Variants in ALCAM observed in about 807,000 individuals in gnomAD.
ALCAM encodes the protein CD166 antigen.
Under a neutral mutation model 70.9 loss-of-function variants are expected in ALCAM, and 30 were observed. The ratio of observed to expected loss-of-function variants is 0.42; its 90% CI spans 0.32 to 0.57. The LOEUF (loss-of-function observed/expected upper bound fraction) is 0.57, where lower values mean the gene tolerates loss of function less well. Among genes scored for constraint, ALCAM ranks in the 20% least tolerant of loss-of-function variants. ALCAM has a pLI of 0.11. For synonymous variants in ALCAM, 249 were observed against 242.5 expected, an observed-to-expected ratio of 1.03 and a Z score of -0.25; for missense variants, 591 against 695.1, an observed-to-expected ratio of 0.85 and a Z score of 1.68.
chr3:105,549,319 C>G (rs1940335651), intron 11 of ALCAM, among the ~76,000 whole-genome samples: 1 of 151,332 alleles, frequency 6.6e-6, no homozygotes, highest in Non-Finnish European at 1.5e-5. Context: ...TCCTCCACCC[C>G]AGCAACTAGA....
intron 1 of ALCAM, among the ~76,000 whole-genome samples, chr3:105,512,773 T>C (rs775636038): frequency 5.9e-5 from 9 of 151,870 alleles, no homozygotes; most frequent in African/African-American, 1.2e-4. Flanking sequence ...GTTATTTTTA[T>C]TGTATTGACT....
At chr3:105,452,579 G>T (rs1180066201) in intron 1 of ALCAM, among the ~76,000 whole-genome samples, 1 of 152,190 alleles carries the variant, frequency 6.6e-6, no homozygotes, top group East Asian at 1.9e-4. Flanking sequence ...TATTCCTTTG[G>T]GTATATACCC....
At chr3:105,368,643 G>A (rs1210198621) in intron 1 of ALCAM, among the ~76,000 whole-genome samples, 1 of 152,120 alleles carries the variant, frequency 6.6e-6, no homozygotes, top group African/African-American at 2.4e-5. Context: ...GGTCACAGAA[G>A]AGGTTTGAAA....
At chr3:105,518,944 C>T (rs1176287432) in intron 1 of ALCAM, among the ~76,000 whole-genome samples, 1 of 152,064 alleles carries the variant, frequency 6.6e-6, no homozygotes, top group Non-Finnish European at 1.5e-5. Flanking sequence ...ATGGTATCCT[C>T]CCAGTCCTGT....
intron 2 of ALCAM, among the ~76,000 whole-genome samples, chr3:105,520,550 T>C (rs2171147): frequency 0.23 from 35,317 of 152,056 alleles, 4,293 homozygotes; most frequent in East Asian, 0.36. Context: ...AGACAAGATA[T>C]ATCAGTAGAT....
Position 105,552,441 on chromosome 3 carries a change from T to G in ALCAM, c.1547-27T>G, listed in dbSNP as rs749071099. The G allele has an allele frequency of 2.2e-5, 36 of 1,601,728 alleles. No homozygotes were observed. In the South Asian group the frequency reaches 3.6e-4, roughly 16 times the overall value. On this transcript the variant is annotated intron_variant, in intron 13 of 15. Transcript: ENST00000306107. The stretch of plus-strand genomic sequence containing the variant: ...GAAAATCCTTGGCATTGTCTGTAAT[T>G]GCATGGACTTTTCTTCTTTGTTGCA...
chr3:105,407,954 T>C (rs1204340824), intron 1 of ALCAM, among the ~76,000 whole-genome samples: 1 of 152,092 alleles, frequency 6.6e-6, no homozygotes, highest in East Asian at 1.9e-4. Flanking sequence ...CAACCTGATT[T>C]ACAATAGCTG....
chr3:105,501,642 G>A (rs1031659661), intron 1 of ALCAM, among the ~76,000 whole-genome samples: 1 of 151,994 alleles, frequency 6.6e-6, no homozygotes, highest in Non-Finnish European at 1.5e-5. Flanking sequence ...CTTTAATTTT[G>A]AAATGTAGTT....
intron 14 of ALCAM, among the ~76,000 whole-genome samples, chr3:105,554,661 T>G (rs2152632625): frequency 6.6e-6 from 1 of 152,116 alleles, no homozygotes; most frequent in East Asian, 1.9e-4. Flanking sequence ...GTCCATGGCA[T>G]CTATAGAAAA....
intron 2 of ALCAM, among the ~76,000 whole-genome samples, chr3:105,523,649 T>A (rs1939613373): frequency 6.6e-6 from 1 of 152,190 alleles, no homozygotes; most frequent in Non-Finnish European, 1.5e-5. Context: ...CTTATTTTGG[T>A]GATGTTTTTG....
intron 1 of ALCAM, among the ~76,000 whole-genome samples, chr3:105,467,625 A>G (rs888978059): frequency 1.5e-4 from 22 of 151,304 alleles, no homozygotes; most frequent in Non-Finnish European, 3.3e-4. Context: ...GAAAAATATT[A>G]TAGGATCTTC....
chr3:105,465,245 C>T (rs528318691), intron 1 of ALCAM, among the ~76,000 whole-genome samples: 1 of 151,524 alleles, frequency 6.6e-6, no homozygotes, highest in Admixed American at 6.6e-5. Context: ...AACATCTTTT[C>T]TGAATTGAAG....
At chr3:105,552,613 G>C in intron 14 of ALCAM, 28 bp downstream of exon 14, 1 of 1,610,246 alleles carries the variant, frequency 6.2e-7, no homozygotes, top group Non-Finnish European at 8.5e-7. Flanking sequence ...GATCTTCATC[G>C]TTCATTGACT....
intron 1 of ALCAM, among the ~76,000 whole-genome samples, chr3:105,412,741 TA>T (rs1936420650): frequency 1.3e-5 from 2 of 152,114 alleles, no homozygotes; most frequent in African/African-American, 4.8e-5. Flanking sequence ...AAAGTTTTCC[TA>T]GCCACCTAAT....
intron 1 of ALCAM, among the ~76,000 whole-genome samples, chr3:105,478,800 G>A (rs1366460735): frequency 6.6e-6 from 1 of 152,104 alleles, no homozygotes; most frequent in Non-Finnish European, 1.5e-5. Flanking sequence ...TTTTGGAGAA[G>A]AAATCTCAAG....
rs527677670 is a variant in ALCAM, at chr3:105,367,311, G to A, written c.-98G>A. ...GTCTGGGAGAAGACGCTGCCCCTGC[G>A]TCGGGACCCGCCAGCGCGCGGGCAC... is the stretch of plus-strand genomic sequence containing the variant. On this transcript the variant is annotated 5_prime_UTR_variant, in exon 1 of 16. Coordinates refer to ENST00000306107, the MANE Select transcript of ALCAM (RefSeq NM_001627.4). 47 of 1,251,254 alleles carry A rather than the reference G, an allele frequency of 3.8e-5. No homozygotes were observed. In the African/African-American group the frequency reaches 4.6e-4, roughly 12 times the overall value. 77.5% of individuals were successfully genotyped at this position (1,251,254 alleles called of 1,614,324 possible).
chr3:105,385,142 C>G (rs978871901), intron 1 of ALCAM, among the ~76,000 whole-genome samples: 1 of 151,524 alleles, frequency 6.6e-6, no homozygotes, highest in Non-Finnish European at 1.5e-5. Context: ...AATCTTTCCA[C>G]AAACATATAA....
chr3:105,541,975 CT>C (rs1380936530), intron 8 of ALCAM, among the ~76,000 whole-genome samples: 1 of 151,894 alleles, frequency 6.6e-6, no homozygotes, highest in Admixed American at 6.6e-5. Context: ...ATAACCGCAA[CT>C]TTTGGCAGTG....
intron 1 of ALCAM, among the ~76,000 whole-genome samples, chr3:105,469,192 T>C (rs542582081): frequency 6.6e-6 from 1 of 151,460 alleles, no homozygotes; most frequent in East Asian, 1.9e-4. Flanking sequence ...TTGATACTTG[T>C]CTGTTTAATA....
Sources: allele counts gnomAD v4.1 joint callset (sites outside exome capture counted in the v4.1 genomes callset), GRCh38; gene constraint gnomAD v4.1.1; transcripts MANE v1.5; gene names NCBI Gene and HGNC (gene_info 2026-07-23, HGNC 2026-07-21).